Variants in PARVA observed in about 807,000 individuals in gnomAD.
PARVA encodes the protein alpha-parvin.
A neutral mutation model predicts 52.6 loss-of-function variants in PARVA; 25 were observed. That is an observed-to-expected ratio of 0.48 (90% confidence interval 0.35 to 0.66). The LOEUF is 0.66. Among genes scored for constraint, PARVA ranks in the 30% least tolerant of loss-of-function variants. The probability of loss-of-function intolerance (pLI) is 0.01; values close to 1 mark genes in which losing one functional copy is unlikely to be tolerated. For missense variants in PARVA, 373 were observed against 450.9 expected (o/e 0.83, Z 1.56); for synonymous variants, 185 against 179.1 (o/e 1.03, Z -0.26).
intron 1 of PARVA, among the ~76,000 whole-genome samples, chr11:12,442,089 C>T (rs1940474388): frequency 1.3e-5 from 2 of 152,186 alleles, no homozygotes; most frequent in Non-Finnish European, 2.9e-5. Context: ...GATGCGTGGA[C>T]CAGTTCAGCA....
In PARVA at chr11:12,507,283, G is replaced by A. The variant is rs186383007; in HGVS notation, c.658-1301G>A. ...TCTTCACGCTCATCTCAGCCTTGGG[G>A]AAGATGCATTTGCTTGGTCAATCGC... On this transcript the variant is annotated intron_variant, in intron 6 of 12. Coordinates refer to ENST00000334956, the MANE Select transcript of PARVA (RefSeq NM_018222.5). 3.3e-5 allele frequency among the ~76,000 whole-genome samples: 5 copies of A among 152,330 alleles called. No homozygotes were observed. The East Asian group carries it at 9.7e-4, about 29-fold the overall frequency.
intron 1 of PARVA, among the ~76,000 whole-genome samples, chr11:12,420,883 A>G (rs184931039): frequency 4.8e-4 from 73 of 152,316 alleles, no homozygotes; most frequent in African/African-American, 1.7e-3. Flanking sequence ...GGTAGAGTCC[A>G]GAGCCTGTCC....
chr11:12,429,261 A>G (rs1337666676), intron 1 of PARVA, among the ~76,000 whole-genome samples: 1 of 152,136 alleles, frequency 6.6e-6, no homozygotes, highest in Non-Finnish European at 1.5e-5. Flanking sequence ...GGCATGAGCC[A>G]CCATGCCTGG....
intron 12 of PARVA, among the ~76,000 whole-genome samples, chr11:12,519,575 A>G (rs372296422): frequency 7.9e-5 from 12 of 152,272 alleles, no homozygotes; most frequent in African/African-American, 2.4e-4. Flanking sequence ...TGGGGGAGGA[A>G]CAGTTTGATG....
chr11:12,486,129 T>C (rs1941155776), intron 4 of PARVA, among the ~76,000 whole-genome samples: 1 of 152,200 alleles, frequency 6.6e-6, no homozygotes, highest in African/African-American at 2.4e-5. Context: ...ACGATAGTAA[T>C]GTGAGCTGTT....
chr11:12,526,960 C>T (rs1941710467), intron 12 of PARVA, among the ~76,000 whole-genome samples: 1 of 152,022 alleles, frequency 6.6e-6, no homozygotes, highest in African/African-American at 2.4e-5. Context: ...AAGGGCTAAG[C>T]ACAGTGTGTC....
At chr11:12,434,073 ACTATGTT>A (rs1940353936) in intron 1 of PARVA, among the ~76,000 whole-genome samples, 1 of 152,200 alleles carries the variant, frequency 6.6e-6, no homozygotes, top group East Asian at 1.9e-4. Flanking sequence ...CACCGCGAGC[ACTATGTT>A]CTACGTGTTC....
intron 4 of PARVA, among the ~76,000 whole-genome samples, chr11:12,492,990 TATG>T (rs1392478434): frequency 6.6e-6 from 1 of 152,202 alleles, no homozygotes; most frequent in Non-Finnish European, 1.5e-5. Context: ...TGAAAAGACT[TATG>T]ATATATATAT....
intron 5 of PARVA, among the ~76,000 whole-genome samples, chr11:12,501,762 T>C (rs1248833333): frequency 1.3e-5 from 2 of 152,026 alleles, no homozygotes; most frequent in African/African-American, 2.4e-5. Context: ...TATTTCTTTC[T>C]AAAAAAAATC....
chr11:12,472,530 G>C (rs118016324), intron 1 of PARVA, among the ~76,000 whole-genome samples: 5 of 152,138 alleles, frequency 3.3e-5, no homozygotes, highest in African/African-American at 1.2e-4. Flanking sequence ...CTCTTAGGGC[G>C]TAGAGAGTGT....
chr11:12,406,661 G>GTTTTTTTT lies in PARVA; in HGVS notation c.136+28898_136+28905dup, dbSNP rs571973101. 1.7e-3 allele frequency among the ~76,000 whole-genome samples: 135 copies of GTTTTTTTT among 77,792 alleles called. 12 individuals are homozygous for GTTTTTTTT. The highest frequency in any genetic ancestry group is 4.1e-3 in the African/African-American group (76 of 18,482). 51.0% of individuals were successfully genotyped at this position (77,792 alleles called of 152,430 possible). A position where few individuals can be genotyped will look rare whatever the true frequency, so the allele number is the denominator to read the frequency against. The stretch of plus-strand genomic sequence containing the variant: ...ATTGTTAGCTATTTAGGTTGTATCT[G>GTTTTTTTT]TTTTTTTTTTTTTTTTTTTTTTTTT... On this transcript the variant is annotated intron_variant, in intron 1 of 12. Transcript: ENST00000334956.
chr11:12,449,330 G>T (rs1940592812), intron 1 of PARVA, among the ~76,000 whole-genome samples: 2 of 151,792 alleles, frequency 1.3e-5, no homozygotes, highest in Non-Finnish European at 1.5e-5. Context: ...GCTAATTTTT[G>T]TATTTTTGTA....
intron 1 of PARVA, among the ~76,000 whole-genome samples, chr11:12,455,230 T>C (rs1259965638): frequency 1.3e-5 from 2 of 152,212 alleles, no homozygotes; most frequent in Admixed American, 6.5e-5. Flanking sequence ...TTGATGATCA[T>C]TGCCTAGATA....
intron 4 of PARVA, among the ~76,000 whole-genome samples, chr11:12,482,313 AC>A (rs1183822151): frequency 6.6e-6 from 1 of 151,870 alleles, no homozygotes; most frequent in African/African-American, 2.4e-5. Context: ...ATAAAGATAT[AC>A]CCAAGGCTGG....
At chr11:12,424,307 T>G (rs572265265) in intron 1 of PARVA, among the ~76,000 whole-genome samples, 1 of 152,154 alleles carries the variant, frequency 6.6e-6, no homozygotes, top group Non-Finnish European at 1.5e-5. Context: ...ACAAGTGATA[T>G]GTCCATTTCC....
Position 12,531,893 on chromosome 11 carries a change from C to T in PARVA, c.*3968C>T, listed in dbSNP as rs979463255. Among the ~76,000 whole-genome samples the T allele has an allele frequency of 1.3e-5, 2 of 152,084 alleles. No homozygotes were observed. The highest frequency in any genetic ancestry group is 4.8e-5 in the African/African-American group (2 of 41,400). ...GGACCTGCCTCCACACATCAGCTTC[C>T]CAAATACTTGCAGATTTGGGTCTTA... On this transcript the variant is annotated 3_prime_UTR_variant, in exon 13 of 13. Transcript: ENST00000334956.
At chr11:12,414,938 C>G (rs905768301) in intron 1 of PARVA, among the ~76,000 whole-genome samples, 1 of 152,110 alleles carries the variant, frequency 6.6e-6, no homozygotes, top group Non-Finnish European at 1.5e-5. Context: ...ATCTTTCCTC[C>G]CTAAGGAGGA....
intron 8 of PARVA, 97 bp downstream of exon 8, chr11:12,511,630 CTGG>C: frequency 7.7e-7 from 1 of 1,300,796 alleles, no homozygotes. Flanking sequence ...AGCTTGTCAC[CTGG>C]ATATACGTCT....
At chr11:12,517,303 A>ACCCCCCCCCCCCCCCCCCCCCC (rs1564869136) in intron 10 of PARVA, among the ~76,000 whole-genome samples, 4 of 112,486 alleles carry the variant, frequency 3.6e-5, no homozygotes, top group Non-Finnish European at 7.2e-5. Context: ...AGCCACACTG[A>ACCCCCCCCCCCCCCCCCCCCCC]CCACCCCCCA....
Sources: gnomAD v4.1 joint callset for allele counts (sites outside exome capture counted in the v4.1 genomes callset) on GRCh38, gnomAD v4.1.1 for gene constraint, MANE v1.5 for transcripts, NCBI Gene and HGNC (gene_info 2026-07-23, HGNC 2026-07-21) for gene names.